STOX1: variants seen among roughly 807,000 people sequenced by gnomAD.
STOX1 encodes storkhead box 1.
In STOX1, 57 loss-of-function variants were observed where a neutral mutation model predicts 74.8. The observed-to-expected ratio is 0.76, with a 90% CI of 0.62 to 0.95. The LOEUF is 0.95. Among genes scored for constraint, STOX1 ranks in the 40% least tolerant of loss-of-function variants. STOX1 has a pLI of 0.00. For synonymous variants in STOX1, 375 were observed against 401.3 expected, an observed-to-expected ratio of 0.93 and a Z score of 0.78; for missense variants, 1,010 against 1,117.0, an observed-to-expected ratio of 0.90 and a Z score of 1.37.
In STOX1 at chr10:68,885,584, A is replaced by T. The variant is rs183086230; in HGVS notation, c.1788A>T (p.Lys596Asn). The T allele has an allele frequency of 8.7e-6, 14 of 1,614,098 alleles. No homozygotes were observed. Among genetic ancestry groups the T allele is most frequent in the Admixed American group, 5.0e-5 (3 of 59,994 alleles). The change falls in exon 3 of 4, where the codon AAA becomes AAT. Residue 596 changes from lysine (K) to asparagine (N), a missense_variant. Coordinates refer to ENST00000298596, the MANE Select transcript of STOX1 (RefSeq NM_152709.5). Reference protein sequence around the residue: ...PQQSMLQNDGKCCPFMESMLR... With the variant: ...PQQSMLQNDGNCCPFMESMLR... ...AGAGCATGTTGCAAAATGATGGTAA[A>T]TGCTGTCCCTTTATGGAAAGCATGT...
intron 1 of STOX1, among the ~76,000 whole-genome samples, chr10:68,855,395 A>C: frequency 6.6e-6 from 1 of 151,802 alleles, no homozygotes. Context: ...TGCTGAGATT[A>C]TAGGCATGAG....
At chr10:68,875,292 T>C (rs190458786) in intron 1 of STOX1, among the ~76,000 whole-genome samples, 2 of 152,338 alleles carry the variant, frequency 1.3e-5, no homozygotes, top group Admixed American at 1.3e-4. Context: ...TTTAGGCTTA[T>C]TTTCATTTTG....
chr10:68,842,536 C>CTTTTTTTTTTTTTTTTTTTTTTTTTT (rs11332701), intron 1 of STOX1, among the ~76,000 whole-genome samples: 2 of 71,970 alleles, frequency 2.8e-5, no homozygotes, highest in Non-Finnish European at 5.1e-5. Flanking sequence ...TGTACCATTT[C>CTTTTTTTTTTTTTTTTTTTTTTTTTT]TTTTTTTTTT....
At chr10:68,843,252 G>A (rs1281355050) in intron 1 of STOX1, among the ~76,000 whole-genome samples, 3 of 151,640 alleles carry the variant, frequency 2.0e-5, no homozygotes, top group Non-Finnish European at 4.4e-5. Context: ...GACTGGTCCC[G>A]AACTCCTGGT....
At position 68,892,724 on chromosome 10, in the gene STOX1, C is replaced by T. The variant is rs1342343400; in HGVS notation, c.2958C>T (p.Val986=). The T allele has an allele frequency of 6.2e-7, 1 of 1,613,852 alleles. No individual in the cohort carries two copies. ...TSNSLLPLTP[V]INV is the part of the protein sequence containing the mutation. ...ATTCCTTACTACCGCTAACTCCAGT[C>T]ATAAACGTTTAATTTTCTTTTGGAA... The change falls in exon 4 of 4, where the codon GTC becomes GTT. Residue 986 remains valine (V), a synonymous_variant. Transcript: ENST00000298596.
chr10:68,842,577 G>A (rs1392552872), intron 1 of STOX1, among the ~76,000 whole-genome samples: 1 of 105,658 alleles, frequency 9.5e-6, no homozygotes, highest in African/African-American at 3.8e-5. Flanking sequence ...GTCTTGCTCT[G>A]TCACCCAGGC....
chr10:68,884,467 T>C lies in STOX1; in HGVS notation c.671T>C (p.Met224Thr), dbSNP rs759144244. The C allele has an allele frequency of 1.2e-6, 2 of 1,613,856 alleles. No individual in the cohort carries two copies. Among genetic ancestry groups the C allele is most frequent in the Admixed American group, 3.3e-5 (2 of 60,016 alleles). ...MPASMTYLVS[M>T]ESCAESAQEN... ...GCTTCCATGACATATCTGGTGAGCA[T>C]GGAGAGCTGTGCAGAGTCAGCCCAA... The change falls in exon 3 of 4, where the codon ATG becomes ACG. Residue 224 changes from methionine to threonine, a missense_variant. Physicochemically the swap from Met to Thr is moderately conservative, Grantham distance 81 (BLOSUM62 -1). Transcript: ENST00000298596.
chr10:68,833,201 T>C (rs1481371108), intron 1 of STOX1, among the ~76,000 whole-genome samples: 1 of 150,384 alleles, frequency 6.6e-6, no homozygotes, highest in Non-Finnish European at 1.5e-5. Flanking sequence ...TTCTCCTGCC[T>C]CAGCCTCCCG....
intron 1 of STOX1, among the ~76,000 whole-genome samples, chr10:68,876,731 G>A (rs772108565): frequency 2.0e-5 from 3 of 152,114 alleles, no homozygotes; most frequent in Non-Finnish European, 4.4e-5. Flanking sequence ...TCTGAGCCCC[G>A]CTAAGCTCAA....
intron 1 of STOX1, among the ~76,000 whole-genome samples, chr10:68,833,150 A>C (rs1056171359): frequency 2.3e-5 from 3 of 132,512 alleles, no homozygotes; most frequent in African/African-American, 8.9e-5. Flanking sequence ...CAGTGGTGTG[A>C]TCTCAGCTCA....
intron 1 of STOX1, among the ~76,000 whole-genome samples, chr10:68,861,021 C>T (rs1438481998): frequency 6.6e-6 from 1 of 152,056 alleles, no homozygotes; most frequent in African/African-American, 2.4e-5. Context: ...CCAGCCTGAC[C>T]AACATGGAGA....
At chr10:68,846,114 A>AG (rs1839840407) in intron 1 of STOX1, among the ~76,000 whole-genome samples, 1 of 103,722 alleles carries the variant, frequency 9.6e-6, no homozygotes, top group Non-Finnish European at 2.0e-5. Context: ...TTATGGCTTG[A>AG]GGTTTTTATT....
At chr10:68,854,296 G>GT (rs1356554277) in intron 1 of STOX1, among the ~76,000 whole-genome samples, 1 of 150,346 alleles carries the variant, frequency 6.7e-6, no homozygotes, top group Non-Finnish European at 1.5e-5. Context: ...TGCCCAGCCC[G>GT]TTTTTTGTCT....
At chr10:68,891,504 T>C (rs553254339) in intron 3 of STOX1, among the ~76,000 whole-genome samples, 1 of 152,166 alleles carries the variant, frequency 6.6e-6, no homozygotes, top group Non-Finnish European at 1.5e-5. Flanking sequence ...GAAAAGGGAA[T>C]GTCGAAAAGC....
intron 1 of STOX1, among the ~76,000 whole-genome samples, chr10:68,843,694 A>G (rs1470012426): frequency 1.3e-5 from 2 of 152,016 alleles, no homozygotes; most frequent in African/African-American, 4.8e-5. Context: ...AGTAGTTGGG[A>G]TTACAGGTGC....
chr10:68,890,037 C>T (rs896699163), intron 3 of STOX1, among the ~76,000 whole-genome samples: 29 of 151,698 alleles, frequency 1.9e-4, no homozygotes, highest in African/African-American at 7.0e-4. Context: ...GATCTGCCCA[C>T]CTTGGCCTCC....
intron 1 of STOX1, among the ~76,000 whole-genome samples, chr10:68,861,658 CA>C (rs1840271769): frequency 6.6e-6 from 1 of 152,152 alleles, no homozygotes; most frequent in Non-Finnish European, 1.5e-5. Flanking sequence ...TACACAAAGA[CA>C]AACAACACAG....
At chr10:68,892,121 G>C (rs1187440768) in intron 3 of STOX1, among the ~76,000 whole-genome samples, 1 of 152,074 alleles carries the variant, frequency 6.6e-6, no homozygotes, top group East Asian at 1.9e-4. Flanking sequence ...AGTATTGTGA[G>C]TTAGCTGAAG....
At chr10:68,868,799 C>A (rs1261420451) in intron 1 of STOX1, among the ~76,000 whole-genome samples, 1 of 152,202 alleles carries the variant, frequency 6.6e-6, no homozygotes, top group Admixed American at 6.5e-5. Context: ...AAGTTAATAT[C>A]TTAATTTGGG....
Sources: gnomAD v4.1 joint callset for allele counts (sites outside exome capture counted in the v4.1 genomes callset) on GRCh38, gnomAD v4.1.1 for gene constraint, MANE v1.5 for transcripts, NCBI Gene and HGNC (gene_info 2026-07-23, HGNC 2026-07-21) for gene names.